The following RPS6KC1 variants were observed in gnomAD, a reference collection of about 807,000 sequenced individuals.
The protein encoded by RPS6KC1 is inactive ribosomal protein S6 kinase delta-1.
A neutral mutation model predicts 103.8 loss-of-function variants in RPS6KC1; 54 were observed. The observed-to-expected ratio is 0.52, with a 90% CI of 0.42 to 0.65. The LOEUF is 0.65. Among genes scored for constraint, RPS6KC1 ranks in the 30% least tolerant of loss-of-function variants. RPS6KC1 has a pLI of 0.00. For missense variants in RPS6KC1, 1,151 were observed against 1,253.8 expected, an observed-to-expected ratio of 0.92 and a Z score of 1.24; for synonymous variants, 439 against 438.7, an observed-to-expected ratio of 1.00 and a Z score of -0.01.
chr1:213,827,353 T>C, the RPS6KC1 span, among the ~76,000 whole-genome samples: 1 of 152,158 alleles, frequency 6.6e-6, no homozygotes, highest in East Asian at 1.9e-4. Flanking sequence ...ACCTTAACTT[T>C]TAGCTCACGG....
At chr1:213,378,844 G>T in the RPS6KC1 span, among the ~76,000 whole-genome samples, 1 of 152,140 alleles carries the variant, frequency 6.6e-6, no homozygotes, top group Non-Finnish European at 1.5e-5. Context: ...ACACCTCACA[G>T]GTCACCTGCC....
the RPS6KC1 span, among the ~76,000 whole-genome samples, chr1:213,370,124 C>G: frequency 2.0e-5 from 3 of 152,172 alleles, no homozygotes; most frequent in Non-Finnish European, 4.4e-5. Context: ...CAAAAAGATG[C>G]TGTGCAAAAG....
chr1:213,600,330 C>G, the RPS6KC1 span, among the ~76,000 whole-genome samples: 1 of 152,230 alleles, frequency 6.6e-6, no homozygotes, highest in Non-Finnish European at 1.5e-5. Context: ...AAGTTCAAAA[C>G]AGTCCACACA....
the RPS6KC1 span, among the ~76,000 whole-genome samples, chr1:213,816,792 C>A: frequency 1.3e-5 from 2 of 152,174 alleles, no homozygotes; most frequent in Admixed American, 6.5e-5. Flanking sequence ...GCCTCCCAAG[C>A]CTTATCTCCG....
At chr1:213,766,008 A>T in the RPS6KC1 span, among the ~76,000 whole-genome samples, 1 of 152,172 alleles carries the variant, frequency 6.6e-6, no homozygotes, top group East Asian at 1.9e-4. Context: ...TCTCAGCCTA[A>T]GTGGACAGAT....
chr1:213,489,545 A>G, the RPS6KC1 span, among the ~76,000 whole-genome samples: 1 of 152,232 alleles, frequency 6.6e-6, no homozygotes, highest in Non-Finnish European at 1.5e-5. Flanking sequence ...TGCCAAGGAT[A>G]CAAAGAACAT....
the RPS6KC1 span, among the ~76,000 whole-genome samples, chr1:213,550,316 A>C: frequency 2.6e-5 from 4 of 152,336 alleles, no homozygotes; most frequent in East Asian, 7.7e-4. Context: ...CTCTTTCCTC[A>C]GGCAGGTAAG....
chr1:213,554,898 C>G, the RPS6KC1 span, among the ~76,000 whole-genome samples: 3 of 151,982 alleles, frequency 2.0e-5, no homozygotes, highest in African/African-American at 7.3e-5. Context: ...AAATTTTTTC[C>G]CACTCAGAAT....
the RPS6KC1 span, among the ~76,000 whole-genome samples, chr1:213,426,574 C>A: frequency 5.9e-5 from 9 of 152,270 alleles, no homozygotes; most frequent in Non-Finnish European, 1.0e-4. Flanking sequence ...ACATATGGTT[C>A]GGCTACTAAT....
At chr1:213,578,333 T>C in the RPS6KC1 span, among the ~76,000 whole-genome samples, 1 of 152,206 alleles carries the variant, frequency 6.6e-6, no homozygotes, top group Non-Finnish European at 1.5e-5. Context: ...TAGGGCAGTT[T>C]GGAAGGGAAC....
chr1:213,120,777 C>T (rs1280722693), intron 5 of RPS6KC1, among the ~76,000 whole-genome samples: 2 of 152,114 alleles, frequency 1.3e-5, no homozygotes, highest in Non-Finnish European at 2.9e-5. Context: ...AATATATAGT[C>T]TGCTGTTTCA....
chr1:213,684,225 T>G, the RPS6KC1 span, among the ~76,000 whole-genome samples: 1 of 152,188 alleles, frequency 6.6e-6, no homozygotes, highest in Non-Finnish European at 1.5e-5. Flanking sequence ...CTGTCTATGA[T>G]CTCATCCATT....
the RPS6KC1 span, among the ~76,000 whole-genome samples, chr1:213,715,394 T>A: frequency 6.6e-6 from 1 of 152,176 alleles, no homozygotes; most frequent in Admixed American, 6.5e-5. Flanking sequence ...CAATGCTGAG[T>A]CATAGATGGT....
the RPS6KC1 span, among the ~76,000 whole-genome samples, chr1:213,738,925 A>AT: frequency 1.3e-5 from 2 of 151,200 alleles, no homozygotes; most frequent in Non-Finnish European, 2.9e-5. Context: ...TGTCTAAGGA[A>AT]GGTTTTTTTT....
the RPS6KC1 span, among the ~76,000 whole-genome samples, chr1:213,324,911 G>A: frequency 6.6e-6 from 1 of 152,012 alleles, no homozygotes; most frequent in Non-Finnish European, 1.5e-5. Context: ...GATATATGAG[G>A]GGAGGGCTGC....
At chr1:213,654,327 G>C in the RPS6KC1 span, among the ~76,000 whole-genome samples, 2 of 152,102 alleles carry the variant, frequency 1.3e-5, no homozygotes, top group Non-Finnish European at 2.9e-5. Context: ...AGCTGCAGGC[G>C]TTCAACTTGT....
chr1:213,077,572 T>C, intron 2 of RPS6KC1, 124 bp from the exon 3 acceptor site: 2 of 467,932 alleles, frequency 4.3e-6, no homozygotes, highest in Non-Finnish European at 7.5e-6. Flanking sequence ...GTTAATCATA[T>C]TGTTTAGGAC....
chr1:213,220,777 C>T (rs140348259), intron 8 of RPS6KC1, among the ~76,000 whole-genome samples: 172 of 152,298 alleles, frequency 1.1e-3, no homozygotes, highest in South Asian at 2.5e-3. Context: ...CCCGTGAATA[C>T]ATTTCTTTTA....
intron 1 of RPS6KC1, among the ~76,000 whole-genome samples, chr1:213,068,891 G>A (rs2078607025): frequency 6.7e-6 from 1 of 149,610 alleles, no homozygotes; most frequent in Non-Finnish European, 1.5e-5. Flanking sequence ...GTGTGTGTGT[G>A]TGTGTGTGTG....
Sources: allele counts gnomAD v4.1 joint callset (sites outside exome capture counted in the v4.1 genomes callset), GRCh38; gene constraint gnomAD v4.1.1; transcripts MANE v1.5; gene names NCBI Gene and HGNC (gene_info 2026-07-23, HGNC 2026-07-21).